C4orf36: variants seen among roughly 807,000 people sequenced by gnomAD.
C4orf36 encodes chromosome 4 open reading frame 36.
A neutral mutation model predicts 12.2 loss-of-function variants in C4orf36; 11 were observed. The observed-to-expected ratio is 0.90, with a 90% CI of 0.57 to 1.49. The LOEUF (loss-of-function observed/expected upper bound fraction) is 1.49, where lower values mean the gene tolerates loss of function less well. Ranked by LOEUF, C4orf36 falls within the 40% of genes most tolerant of loss-of-function variation. The probability of loss-of-function intolerance (pLI) is 0.00; values close to 1 mark genes in which losing one functional copy is unlikely to be tolerated. For missense variants in C4orf36, 137 were observed against 133.9 expected (o/e 1.02, Z -0.11); for synonymous variants, 54 against 51.3 (o/e 1.05, Z -0.22).
chr4:86,884,135 A>G (rs189030027), intron 4 of C4orf36, among the ~76,000 whole-genome samples: 12 of 152,154 alleles, frequency 7.9e-5, no homozygotes, highest in Admixed American at 5.9e-4. Context: ...TCCAAATCCA[A>G]TACTTTCCAG....
Position 86,884,395 on chromosome 4 carries a change from A to G in C4orf36, c.*2+3363T>C, listed in dbSNP as rs550427812. 8.5e-4 allele frequency among the ~76,000 whole-genome samples: 127 copies of G among 149,064 alleles called. 1 individual carries two copies. The highest frequency in any genetic ancestry group is 2.8e-3 in the African/African-American group (112 of 40,430). ...TCACAGCTCAATGCAGCGTCAAACTACTAGGCTCAAGGGATCCTCCCATCT... is the reference window on the plus strand; with the variant it reads ...TCACAGCTCAATGCAGCGTCAAACTGCTAGGCTCAAGGGATCCTCCCATCT... On this transcript the variant is annotated intron_variant, in intron 4 of 4. Coordinates refer to ENST00000295898, the MANE Select transcript of C4orf36 (RefSeq NM_144645.4).
intron 4 of C4orf36, 55 bp from the exon 5 acceptor site, chr4:86,876,498 G>GA (rs1361963728): frequency 1.1e-5 from 18 of 1,613,698 alleles, no homozygotes; most frequent in South Asian, 3.3e-5. Context: ...AAATGAGGTA[G>GA]AAAAAATGAA....
At chr4:86,892,139 C>A (rs894427987) in intron 1 of C4orf36, 44 bp downstream of exon 1, 1 of 985,600 alleles carries the variant, frequency 1.0e-6, no homozygotes. Context: ...GCCCACAGAG[C>A]CCGCGGAGAA....
the C4orf36 span, among the ~76,000 whole-genome samples, chr4:86,911,978 A>C: frequency 2.0e-5 from 3 of 152,154 alleles, no homozygotes; most frequent in Non-Finnish European, 4.4e-5. Context: ...CTCCTGCCTC[A>C]GCCTCCCAAG....
the C4orf36 span, among the ~76,000 whole-genome samples, chr4:86,928,312 G>A: frequency 1.3e-5 from 2 of 152,222 alleles, no homozygotes; most frequent in Admixed American, 6.5e-5. Context: ...ATTGGGATCT[G>A]TAGAAGCTGG....
chr4:86,896,707 T>G (rs1009801324), upstream of C4orf36, among the ~76,000 whole-genome samples: 1 of 152,232 alleles, frequency 6.6e-6, no homozygotes, highest in Non-Finnish European at 1.5e-5. Context: ...TCTCCTTGGA[T>G]GGGTCCCAAA....
chr4:86,880,017 ATTTTCT>A (rs1415892963), intron 4 of C4orf36, among the ~76,000 whole-genome samples: 1 of 151,904 alleles, frequency 6.6e-6, no homozygotes, highest in African/African-American at 2.4e-5. Flanking sequence ...TGCCTGGATA[ATTTTCT>A]TTTTATTTTT....
intron 4 of C4orf36, among the ~76,000 whole-genome samples, chr4:86,885,903 C>T (rs1376835257): frequency 2.6e-5 from 4 of 152,100 alleles, no homozygotes; most frequent in Non-Finnish European, 4.4e-5. Flanking sequence ...CAGTTTTTAG[C>T]GTGAAGGGCT....
chr4:86,909,798 T>C, the C4orf36 span, among the ~76,000 whole-genome samples: 2 of 144,516 alleles, frequency 1.4e-5, no homozygotes, highest in Non-Finnish European at 3.0e-5. Context: ...CTGAGCCACA[T>C]GATAAAGTCA....
At chr4:86,890,240 A>AGG in intron 2 of C4orf36, 2 of 372,700 alleles carry the variant, frequency 5.4e-6, no homozygotes, top group African/African-American at 2.2e-5. Context: ...GAAGGAAGGA[A>AGG]ACTGAGGTGC....
upstream of C4orf36, among the ~76,000 whole-genome samples, chr4:86,893,605 C>G (rs1157119134): frequency 1.3e-5 from 2 of 151,044 alleles, no homozygotes; most frequent in South Asian, 4.2e-4. Flanking sequence ...AGATAAAACA[C>G]AGTAACCTTT....
chr4:86,879,351 T>A (rs1013218415), intron 4 of C4orf36, among the ~76,000 whole-genome samples: 7 of 152,098 alleles, frequency 4.6e-5, no homozygotes, highest in Non-Finnish European at 8.8e-5. Context: ...AACAAAGTCA[T>A]AGAAACCATT....
At chr4:86,933,399 T>C in the C4orf36 span, 1 of 152,222 alleles carries the variant, frequency 6.6e-6, no homozygotes, top group African/African-American at 2.4e-5. Context: ...ACTTACTCTC[T>C]GAACCAAAGC....
the C4orf36 span, among the ~76,000 whole-genome samples, chr4:86,902,283 G>A: frequency 6.6e-6 from 1 of 151,828 alleles, no homozygotes; most frequent in Admixed American, 6.6e-5. Flanking sequence ...AATTAGCTGG[G>A]CATGGTGGTA....
intron 1 of C4orf36, 192 bp downstream of exon 1, chr4:86,891,991 C>A: frequency 1.0e-6 from 1 of 990,826 alleles, no homozygotes; most frequent in South Asian, 4.6e-5. Context: ...CCCAGGTTTT[C>A]CCTCATTCAA....
intron 2 of C4orf36, chr4:86,890,009 A>T (rs937828136): frequency 1.3e-5 from 6 of 451,386 alleles, no homozygotes; most frequent in Non-Finnish European, 1.8e-5. Context: ...TGGGCAACAA[A>T]GTGAGACCCC....
chr4:86,905,630 A>T, the C4orf36 span, among the ~76,000 whole-genome samples: 5 of 151,822 alleles, frequency 3.3e-5, no homozygotes, highest in Non-Finnish European at 7.4e-5. Context: ...ACAAGTGGTG[A>T]TCTGAGGTTG....
chr4:86,892,242 G>A lies in C4orf36; in HGVS notation c.-133C>T, dbSNP rs534498937. On this transcript the variant is annotated 5_prime_UTR_variant, in exon 1 of 5. Transcript: ENST00000295898. ...GCGCTGTGTGCGCGGGGCTTCCAGG[G>A]TGGCGGGTCCCCGCGAGCCGGCGCC... is the stretch of plus-strand genomic sequence containing the variant. The A allele has an allele frequency of 1.2e-4, 122 of 985,874 alleles. No individual in the cohort carries two copies. In the Middle Eastern group the frequency reaches 1.6e-3, roughly 13 times the overall value. 61.1% of individuals were successfully genotyped at this position (985,874 alleles called of 1,614,324 possible).
chr4:86,890,813 C>A lies in C4orf36; in HGVS notation c.65+643G>T, dbSNP rs180799671. On this transcript the variant is annotated intron_variant, in intron 2 of 4. Coordinates refer to ENST00000295898, the MANE Select transcript of C4orf36 (RefSeq NM_144645.4). ...CGTTCACTGGATGACAGGCAATGTGCAAGTACTTCACATACACGACTTCAT... is the reference window on the plus strand; with the variant it reads ...CGTTCACTGGATGACAGGCAATGTGAAAGTACTTCACATACACGACTTCAT... Among the ~76,000 whole-genome samples, 16 of 152,322 alleles carry A rather than the reference C, an allele frequency of 1.1e-4. No individual in the cohort carries two copies. The East Asian group carries it at 2.7e-3, about 26-fold the overall frequency.
Sources: gnomAD v4.1 joint callset for allele counts (sites outside exome capture counted in the v4.1 genomes callset) on GRCh38, gnomAD v4.1.1 for gene constraint, MANE v1.5 for transcripts, NCBI Gene and HGNC (gene_info 2026-07-23, HGNC 2026-07-21) for gene names.